ACAD11: variants seen among roughly 807,000 people sequenced by gnomAD.
The protein encoded by ACAD11 is acyl-CoA dehydrogenase family member 11.
ACAD11 carries 83 observed loss-of-function variants against 102.2 expected under a neutral mutation model. That is an observed-to-expected ratio of 0.81 (90% CI 0.68 to 0.97). The LOEUF is 0.97. Among genes scored for constraint, ACAD11 ranks in the 50% least tolerant of loss-of-function variants. ACAD11 has a pLI of 0.00. For synonymous variants in ACAD11, 324 were observed against 319.8 expected, an observed-to-expected ratio of 1.01 and a Z score of -0.14; for missense variants, 901 against 951.7, an observed-to-expected ratio of 0.95 and a Z score of 0.70.
intron 2 of ACAD11, among the ~76,000 whole-genome samples, chr3:132,643,153 G>A (rs1940587912): frequency 6.6e-6 from 1 of 152,198 alleles, no homozygotes; most frequent in Non-Finnish European, 1.5e-5. Context: ...CTGGCTGGCT[G>A]CTCGCTCTTT....
At chr3:132,580,550 A>G (rs1937583104) in intron 13 of ACAD11, among the ~76,000 whole-genome samples, 1 of 152,068 alleles carries the variant, frequency 6.6e-6, no homozygotes, top group Non-Finnish European at 1.5e-5. Context: ...TCCTAATTCA[A>G]TCAAACAAAA....
chr3:132,643,156 C>T (rs749548385), intron 2 of ACAD11, among the ~76,000 whole-genome samples: 1 of 152,168 alleles, frequency 6.6e-6, no homozygotes, highest in African/African-American at 2.4e-5. Flanking sequence ...GCTGGCTGCT[C>T]GCTCTTTCAT....
At position 132,607,436 on chromosome 3, in the gene ACAD11, T is replaced by A. The variant is rs139264149; in HGVS notation, c.1415-2231A>T. 1.9e-4 allele frequency among the ~76,000 whole-genome samples: 29 copies of A among 152,238 alleles called. No homozygotes were observed. In the East Asian group the frequency reaches 5.4e-3, roughly 28 times the overall value. ...AGTTTAGAGAAGACCATAAATGACC[T>A]GATAGAGCTGCAAAACACAGCACGA... On this transcript the variant is annotated intron_variant, in intron 11 of 19. Transcript: ENST00000264990.
chr3:132,586,425 G>A (rs1937830056), intron 13 of ACAD11, among the ~76,000 whole-genome samples: 1 of 151,966 alleles, frequency 6.6e-6, no homozygotes, highest in Non-Finnish European at 1.5e-5. Flanking sequence ...ACACCAACAT[G>A]GCACATGTAT....
At chr3:132,610,322 G>A (rs1011294191) in intron 11 of ACAD11, among the ~76,000 whole-genome samples, 4 of 151,548 alleles carry the variant, frequency 2.6e-5, no homozygotes, top group African/African-American at 9.7e-5. Flanking sequence ...AAGAACTAGA[G>A]AAGAGCAAAC....
intron 17 of ACAD11, among the ~76,000 whole-genome samples, chr3:132,570,158 C>A (rs866061015): frequency 4.6e-5 from 7 of 152,040 alleles, no homozygotes; most frequent in Admixed American, 6.5e-5. Context: ...AAAATCAAAC[C>A]TCACCATAAG....
chr3:132,638,682 C>T (rs1180800871), intron 5 of ACAD11, among the ~76,000 whole-genome samples: 1 of 152,132 alleles, frequency 6.6e-6, no homozygotes, highest in Non-Finnish European at 1.5e-5. Context: ...TTAAATGACA[C>T]AGATCAAATA....
Position 132,603,529 on chromosome 3 carries a change from C to T in ACAD11, c.1523-202G>A, listed in dbSNP as rs562456857. 2.0e-5 allele frequency among the ~76,000 whole-genome samples: 3 copies of T among 152,294 alleles called. No homozygotes were observed. In the East Asian group the frequency reaches 5.8e-4, roughly 29 times the overall value. On this transcript the variant is annotated intron_variant, in intron 12 of 19. Transcript: ENST00000264990. ...AGAATGAGTGAATGAATGAAGTATA[C>T]TGAACATTGGGGATCAGTATTTTGA...
At chr3:132,609,135 T>TTC (rs1938995462) in intron 11 of ACAD11, among the ~76,000 whole-genome samples, 5 of 152,144 alleles carry the variant, frequency 3.3e-5, no homozygotes, top group Non-Finnish European at 7.4e-5. Context: ...GGGACACAAC[T>TTC]AAAGCAGTAT....
At chr3:132,593,112 T>C (rs1938149788) in intron 13 of ACAD11, among the ~76,000 whole-genome samples, 1 of 151,830 alleles carries the variant, frequency 6.6e-6, no homozygotes, top group Non-Finnish European at 1.5e-5. Context: ...TGAGAAAGGA[T>C]TTTAAAACTT....
At chr3:132,641,193 A>G (rs1178065170) in intron 4 of ACAD11, among the ~76,000 whole-genome samples, 1 of 152,188 alleles carries the variant, frequency 6.6e-6, no homozygotes, top group Non-Finnish European at 1.5e-5. Flanking sequence ...CACAGTACTC[A>G]GCAGGTATTA....
chr3:132,639,998 T>TCACA (rs539317705), intron 4 of ACAD11, among the ~76,000 whole-genome samples: 66 of 147,148 alleles, frequency 4.5e-4, no homozygotes, highest in East Asian at 1.4e-3. Context: ...ACACTCTCTC[T>TCACA]CACACACACA....
At chr3:132,616,656 T>C (rs751986131) in intron 11 of ACAD11, among the ~76,000 whole-genome samples, 1 of 152,212 alleles carries the variant, frequency 6.6e-6, no homozygotes, top group Non-Finnish European at 1.5e-5. Context: ...CAATATAAAA[T>C]ATATTTCTTA....
At chr3:132,560,992 C>T in intron 18 of ACAD11, 109 bp downstream of exon 18, 2 of 801,034 alleles carry the variant, frequency 2.5e-6, no homozygotes, top group Non-Finnish European at 4.2e-6. Context: ...ATGGGGGCTT[C>T]CAATATTCTG....
chr3:132,640,189 A>C (rs1411122803), intron 4 of ACAD11, among the ~76,000 whole-genome samples: 1 of 151,720 alleles, frequency 6.6e-6, no homozygotes, highest in Non-Finnish European at 1.5e-5. Context: ...TCCCAGGTTC[A>C]AGTGATTCTC....
Position 132,618,641 on chromosome 3 carries a change from T to C in ACAD11, c.1407A>G (p.Gln469=). Residue 469 remains glutamine, a synonymous_variant, in exon 11 of 20, where the codon CAA becomes CAG. Coordinates refer to ENST00000264990, the MANE Select transcript of ACAD11 (RefSeq NM_032169.5). Reference sequence around the variant, plus strand: ...TTCAATTAATGTAGTAACCTGGTGCTTGGCAGTTAAAGACATCTGGAGCAA... The same window carrying C: ...TTCAATTAATGTAGTAACCTGGTGCCTGGCAGTTAAAGACATCTGGAGCAA... ...CFFAPDVFNC[Q]APDTGNMEVL... 1 of 1,592,844 alleles carries C rather than the reference T, an allele frequency of 6.3e-7. No homozygotes were observed. The highest frequency in any genetic ancestry group is 8.5e-7 in the Non-Finnish European group (1 of 1,171,470).
intron 17 of ACAD11, among the ~76,000 whole-genome samples, chr3:132,567,698 A>T (rs1471983173): frequency 1.3e-5 from 2 of 152,206 alleles, no homozygotes; most frequent in East Asian, 3.8e-4. Context: ...GAAGAAATGT[A>T]TATCAAATAT....
chr3:132,644,131 A>G (rs1043521465), intron 2 of ACAD11, among the ~76,000 whole-genome samples: 1 of 152,132 alleles, frequency 6.6e-6, no homozygotes, highest in African/African-American at 2.4e-5. Flanking sequence ...CTACCCCACA[A>G]TTGTCCTTCC....
chr3:132,581,589 G>A (rs1429031988), intron 13 of ACAD11, among the ~76,000 whole-genome samples: 1 of 151,966 alleles, frequency 6.6e-6, no homozygotes, highest in Non-Finnish European at 1.5e-5. Context: ...GTATATGTAA[G>A]GGGAAGGAGA....
Sources: gnomAD v4.1 joint callset for allele counts (sites outside exome capture counted in the v4.1 genomes callset) on GRCh38, gnomAD v4.1.1 for gene constraint, MANE v1.5 for transcripts, NCBI Gene and HGNC (gene_info 2026-07-23, HGNC 2026-07-21) for gene names.